Variants in HAS2 observed in about 807,000 individuals in gnomAD.
HAS2 encodes HA synthase 2.
In HAS2, 16 loss-of-function variants were observed where a neutral mutation model predicts 51.6. The observed-to-expected ratio is 0.31, with a 90% confidence interval of 0.21 to 0.47. HAS2 has a LOEUF of 0.47. Ranked by LOEUF, HAS2 falls within the 20% of genes least tolerant of loss-of-function variation. The pLI is 1.00. For synonymous variants in HAS2, 228 were observed against 235.5 expected, an observed-to-expected ratio of 0.97 and a Z score of 0.29; for missense variants, 361 against 662.6, an observed-to-expected ratio of 0.54 and a Z score of 5.00.
intron 2 of HAS2, among the ~76,000 whole-genome samples, chr8:121,621,780 C>T (rs1812776999): frequency 6.6e-6 from 1 of 152,158 alleles, no homozygotes; most frequent in Non-Finnish European, 1.5e-5. Flanking sequence ...ATCTATTCTA[C>T]CAGATGCCTT....
intron 1 of HAS2, chr8:121,639,297 G>T (rs934789198): frequency 6.6e-6 from 1 of 152,244 alleles, no homozygotes; most frequent in Non-Finnish European, 1.5e-5. Context: ...GACGTCAAAG[G>T]CAATCCCAGC....
intron 2 of HAS2, among the ~76,000 whole-genome samples, chr8:121,626,022 G>A (rs6984484): frequency 0.31 from 46,883 of 151,884 alleles, 7,741 homozygotes; most frequent in African/African-American, 0.42. Context: ...AGAGAAGACT[G>A]GAGATGAAAG....
intron 2 of HAS2, among the ~76,000 whole-genome samples, chr8:121,628,388 T>C (rs559404032): frequency 6.6e-6 from 1 of 151,820 alleles, no homozygotes; most frequent in African/African-American, 2.4e-5. Flanking sequence ...GAAAATGATG[T>C]TGGATTTGAC....
At chr8:121,635,252 G>T (rs1213336213) in intron 1 of HAS2, among the ~76,000 whole-genome samples, 1 of 152,082 alleles carries the variant, frequency 6.6e-6, no homozygotes, top group Non-Finnish European at 1.5e-5. Flanking sequence ...CCTTGAGCAA[G>T]TTATACAACA....
chr8:121,628,848 T>C lies in HAS2; in HGVS notation c.493A>G (p.Lys165Glu). The change falls in exon 2 of 4, where the codon AAA (lysine) becomes GAA (glutamate). Residue 165 changes from lysine (K) to glutamate (E), a missense_variant. This residue lies in a region of HAS2 where 145 missense variants were observed against 217.6 expected (regional missense o/e 0.67). Transcript: ENST00000303924. Reference protein sequence around the residue: ...KGPGETDESHKESSQHVTQLV... With the variant: ...KGPGETDESHEESSQHVTQLV... ...TGCGTTACGTGTTGCGAGCTTTCTT[T>C]ATGTGACTCATCTGTCTCACCGGGA... is the stretch of plus-strand genomic sequence containing the variant. 4.3e-6 allele frequency: 7 copies of C among 1,614,170 alleles called. No homozygotes were observed. Among genetic ancestry groups the C allele is most frequent in the Non-Finnish European group, 5.9e-6 (7 of 1,179,994 alleles).
chr8:121,621,360 A>G (rs1400879665), intron 2 of HAS2, among the ~76,000 whole-genome samples: 1 of 152,200 alleles, frequency 6.6e-6, no homozygotes, highest in East Asian at 1.9e-4. Flanking sequence ...AAGAAGCCTT[A>G]AAGTCTGAAG....
chr8:121,614,007 T>A lies in HAS2; in HGVS notation c.*102A>T, dbSNP rs765020238. 3.8e-6 allele frequency: 6 copies of A among 1,582,052 alleles called. No individual in the cohort carries two copies. The African/African-American group carries it at 8.1e-5, about 21-fold the overall frequency. ...GTCTTTGTTCAAGTCCCAGCAGCAG[T>A]GATATGTCTCCTTTGGTGGCATTAT... On this transcript the variant is annotated 3_prime_UTR_variant, in exon 4 of 4. Coordinates refer to ENST00000303924, the MANE Select transcript of HAS2 (RefSeq NM_005328.3). The surrounding 1 kb of genome is among the most constrained non-coding windows in gnomAD (Gnocchi z 7.2).
intron 2 of HAS2, among the ~76,000 whole-genome samples, chr8:121,618,581 G>T (rs762136495): frequency 2.1e-4 from 32 of 152,084 alleles, no homozygotes; most frequent in Non-Finnish European, 4.4e-4. Context: ...TAGAAAAAAA[G>T]TAGGAAAAAA....
intron 2 of HAS2, among the ~76,000 whole-genome samples, chr8:121,627,686 T>C (rs1467711976): frequency 6.6e-6 from 1 of 152,182 alleles, no homozygotes; most frequent in Non-Finnish European, 1.5e-5. Context: ...ATTAGAACTT[T>C]GGTCAACTGA....
In HAS2 at chr8:121,640,943, A is replaced by G. The variant is rs927487957; in HGVS notation, c.-91T>C. ...GGGCAGTTTCCAAAATTGAGGTAAT[A>G]AGAGATCAGATGAATTTGAGACGAC... is the stretch of plus-strand genomic sequence containing the variant. On this transcript the variant is annotated 5_prime_UTR_variant, in exon 1 of 4. Transcript: ENST00000303924. 6.6e-6 allele frequency: 1 copy of G among 151,878 alleles called. No homozygotes were observed. Among genetic ancestry groups the G allele is most frequent in the Non-Finnish European group, 1.5e-5 (1 of 67,988 alleles). 9.4% of individuals were successfully genotyped at this position (151,878 alleles called of 1,614,324 possible). A position where few individuals can be genotyped will look rare whatever the true frequency, so the allele number is the denominator to read the frequency against.
intron 2 of HAS2, among the ~76,000 whole-genome samples, chr8:121,617,869 G>A (rs921213764): frequency 6.6e-6 from 1 of 152,126 alleles, no homozygotes; most frequent in African/African-American, 2.4e-5. Flanking sequence ...GGGATTTGCA[G>A]GACCTTCAAC....
At chr8:121,633,895 G>A (rs1210213909) in intron 1 of HAS2, among the ~76,000 whole-genome samples, 1 of 146,362 alleles carries the variant, frequency 6.8e-6, no homozygotes, top group Non-Finnish European at 1.5e-5. Context: ...AGTTACCCTA[G>A]TTTTTTGTTT....
chr8:121,628,238 C>A (rs1329359094), intron 2 of HAS2, among the ~76,000 whole-genome samples: 1 of 150,234 alleles, frequency 6.7e-6, no homozygotes, highest in Non-Finnish European at 1.5e-5. Flanking sequence ...GAAAATTGTT[C>A]TCACCACCCT....
intron 2 of HAS2, among the ~76,000 whole-genome samples, chr8:121,619,756 A>C (rs564024801): frequency 5.3e-4 from 81 of 152,272 alleles, no homozygotes; most frequent in African/African-American, 1.9e-3. Flanking sequence ...AAAAACATGA[A>C]GGCAGAAATT....
At chr8:121,637,776 G>A (rs1813031006) in intron 1 of HAS2, among the ~76,000 whole-genome samples, 1 of 152,210 alleles carries the variant, frequency 6.6e-6, no homozygotes, top group South Asian at 2.1e-4. Context: ...TGGGGTGATG[G>A]AAATGAGTTC....
intron 1 of HAS2, among the ~76,000 whole-genome samples, chr8:121,635,256 T>A (rs1251180952): frequency 6.6e-6 from 1 of 152,202 alleles, no homozygotes; most frequent in Middle Eastern, 3.2e-3. Context: ...GAGCAAGTTA[T>A]ACAACACTTG....
chr8:121,617,100 T>G lies in HAS2; in HGVS notation c.729+5A>C, dbSNP rs750420619. On this transcript the variant is annotated splice_donor_5th_base_variant and intron_variant, in intron 3 of 3. Transcript: ENST00000303924. ...AACAAACAAACAAAAAGTGAAGCCA[T>G]GTACCTGGACATCTCCCCCAACACC... 1 of 1,520,728 alleles carries G rather than the reference T, an allele frequency of 6.6e-7. No individual in the cohort carries two copies. The highest frequency in any genetic ancestry group is 9.1e-7 in the Non-Finnish European group (1 of 1,097,276). The allele number at this position is 1,520,728 out of a possible 1,614,324, so 94.2% of individuals were successfully genotyped here.
At chr8:121,616,061 T>G (rs1339607721) in intron 3 of HAS2, among the ~76,000 whole-genome samples, 2 of 152,180 alleles carry the variant, frequency 1.3e-5, no homozygotes, top group Non-Finnish European at 2.9e-5. Context: ...TATCTAAATT[T>G]TAAAGTCTAT....
At chr8:121,620,234 T>C (rs1812755869) in intron 2 of HAS2, among the ~76,000 whole-genome samples, 1 of 152,220 alleles carries the variant, frequency 6.6e-6, no homozygotes, top group Admixed American at 6.5e-5. Flanking sequence ...GCATGTGTAT[T>C]CATGGACACA....
Sources: allele counts gnomAD v4.1 joint callset (sites outside exome capture counted in the v4.1 genomes callset), GRCh38; gene constraint gnomAD v4.1.1; regional missense constraint gnomAD v4.1.1; non-coding constraint Gnocchi (gnomAD v3.1); transcripts MANE v1.5; gene names NCBI Gene and HGNC (gene_info 2026-07-23, HGNC 2026-07-21).